The following ATG3 variants were observed in gnomAD, a reference collection of about 807,000 sequenced individuals.
ATG3 encodes autophagy related 3, also known as ubiquitin-like-conjugating enzyme ATG3.
ATG3 carries 25 observed loss-of-function variants against 50.7 expected under a neutral mutation model. The ratio of observed to expected loss-of-function variants is 0.49; its 90% CI spans 0.36 to 0.69. The LOEUF (loss-of-function observed/expected upper bound fraction) is 0.69. ATG3 is among the 30% of genes least tolerant of loss of function. ATG3 has a pLI of 0.00. For missense variants in ATG3, 281 were observed against 376.0 expected, an observed-to-expected ratio of 0.75 and a Z score of 2.09; for synonymous variants, 119 against 125.5, an observed-to-expected ratio of 0.95 and a Z score of 0.34.
intron 7 of ATG3, 93 bp downstream of exon 7, chr3:112,541,706 AACTT>A: frequency 9.1e-7 from 1 of 1,097,942 alleles, no homozygotes. Flanking sequence ...CTAAATGCTA[AACTT>A]ACAACTCAAT....
At chr3:112,554,807 T>G (rs1226786662) in intron 2 of ATG3, among the ~76,000 whole-genome samples, 2 of 152,212 alleles carry the variant, frequency 1.3e-5, no homozygotes, top group African/African-American at 4.8e-5. Context: ...CAAATAAGAA[T>G]TCTAAGAATA....
chr3:112,536,748 C>T (rs552629894), intron 9 of ATG3, 146 bp from the exon 10 acceptor site: 60 of 728,786 alleles, frequency 8.2e-5, no homozygotes, highest in African/African-American at 1.4e-4. Flanking sequence ...GGTGAAACAC[C>T]GTCTCTACTA....
chr3:112,534,248 C>G, intron 11 of ATG3, 21 bp downstream of exon 11: 2 of 1,595,038 alleles, frequency 1.3e-6, no homozygotes, highest in Non-Finnish European at 1.7e-6. Flanking sequence ...TGCCACTAAT[C>G]TTACATACAG....
intron 1 of ATG3, among the ~76,000 whole-genome samples, chr3:112,560,484 G>A (rs1368288038): frequency 6.6e-6 from 1 of 151,952 alleles, no homozygotes; most frequent in African/African-American, 2.4e-5. Flanking sequence ...TCATGGAAAG[G>A]GAGCAAAGCA....
chr3:112,538,308 T>C (rs557735471), intron 7 of ATG3, 128 bp from the exon 8 acceptor site: 8 of 682,814 alleles, frequency 1.2e-5, no homozygotes, highest in South Asian at 4.1e-5. Flanking sequence ...AGTGAAGATA[T>C]TGAATAGATA....
chr3:112,556,834 CGTTAAGA>C (rs1933697537), intron 2 of ATG3, among the ~76,000 whole-genome samples: 1 of 151,408 alleles, frequency 6.6e-6, no homozygotes, highest in African/African-American at 2.4e-5. Flanking sequence ...GCAGCATGCT[CGTTAAGA>C]GTCATCACCA....
intron 2 of ATG3, among the ~76,000 whole-genome samples, chr3:112,556,061 G>A (rs1202229954): frequency 6.8e-6 from 1 of 146,214 alleles, no homozygotes; most frequent in Non-Finnish European, 1.5e-5. Flanking sequence ...AAAGAGCCAT[G>A]TTCAAATTAC....
At chr3:112,560,302 T>C (rs1356063351) in intron 1 of ATG3, among the ~76,000 whole-genome samples, 1 of 152,254 alleles carries the variant, frequency 6.6e-6, no homozygotes, top group Non-Finnish European at 1.5e-5. Context: ...AATCTTAGTT[T>C]GACTGAATAA....
chr3:112,532,885 C>T (rs1215846187), intron 11 of ATG3, 105 bp from the exon 12 acceptor site: 1 of 1,328,546 alleles, frequency 7.5e-7, no homozygotes, highest in African/African-American at 1.5e-5. Flanking sequence ...TCAAAAAAAC[C>T]CCACAAAATC....
intron 2 of ATG3, among the ~76,000 whole-genome samples, chr3:112,557,663 T>A (rs1435585646): frequency 6.6e-6 from 1 of 151,974 alleles, no homozygotes; most frequent in Non-Finnish European, 1.5e-5. Context: ...ACTAGACAAA[T>A]TCCATCACAA....
Position 112,537,771 on chromosome 3 carries a change from G to C in ATG3, c.630C>G (p.Tyr210Ter). ...YDLYITYDKY[Y>*]QTPRLWLFGY... ...CAAACAACCATAATCGTGGAGTCTG[G>C]TAATATTTATCATAAGTGATGTAAA... Residue 210 changes from tyrosine (Y) to a stop codon, truncating the protein, a stop_gained, in exon 9 of 12, where the codon TAC becomes TAG. Coordinates refer to ENST00000283290, the MANE Select transcript of ATG3 (RefSeq NM_022488.5). LOFTEE classifies it high-confidence loss of function. The C allele has an allele frequency of 6.2e-7, 1 of 1,604,380 alleles. No individual in the cohort carries two copies. The highest frequency in any genetic ancestry group is 8.5e-7 in the Non-Finnish European group (1 of 1,176,964).
intron 4 of ATG3, among the ~76,000 whole-genome samples, chr3:112,549,656 A>G (rs548918135): frequency 4.1e-4 from 63 of 152,096 alleles, no homozygotes; most frequent in Non-Finnish European, 7.5e-4. Flanking sequence ...TAAAAATACA[A>G]AAATTAGCCG....
At chr3:112,533,277 A>AT (rs1175026711) in intron 11 of ATG3, 1 of 984,682 alleles carries the variant, frequency 1.0e-6, no homozygotes, top group Admixed American at 6.2e-5. Context: ...AAATTCTGAA[A>AT]TTTTTTTATG....
intron 7 of ATG3, among the ~76,000 whole-genome samples, chr3:112,539,960 A>G (rs1296507963): frequency 6.6e-6 from 1 of 152,262 alleles, no homozygotes; most frequent in Non-Finnish European, 1.5e-5. Flanking sequence ...ATTCAGAGAC[A>G]GATGAAATTC....
intron 7 of ATG3, among the ~76,000 whole-genome samples, chr3:112,540,859 G>A (rs747858563): frequency 1.3e-5 from 2 of 152,204 alleles, no homozygotes; most frequent in Non-Finnish European, 2.9e-5. Context: ...CCTGGTGACA[G>A]CAATTTTTTC....
intron 2 of ATG3, among the ~76,000 whole-genome samples, chr3:112,555,693 C>A (rs1185820291): frequency 6.6e-6 from 1 of 152,186 alleles, no homozygotes; most frequent in Admixed American, 6.5e-5. Context: ...AATATTTACA[C>A]AAAGCAAATG....
chr3:112,546,789 C>A lies in ATG3; in HGVS notation c.343+1744G>T, dbSNP rs570935040. Among the ~76,000 whole-genome samples, 3 of 152,252 alleles carry A rather than the reference C, an allele frequency of 2.0e-5. No individual in the cohort carries two copies. In the South Asian group the frequency reaches 6.2e-4, roughly 32 times the overall value. ...TGATGTGTTGCCAACATCTTCCAGGCATGGAAAAGTCAAAGCAGAAGAGTT... is the reference window on the plus strand; with the variant it reads ...TGATGTGTTGCCAACATCTTCCAGGAATGGAAAAGTCAAAGCAGAAGAGTT... On this transcript the variant is annotated intron_variant, in intron 5 of 11. Coordinates refer to ENST00000283290, the MANE Select transcript of ATG3 (RefSeq NM_022488.5).
chr3:112,535,039 A>G (rs981305635), intron 10 of ATG3: 1 of 152,138 alleles, frequency 6.6e-6, no homozygotes, highest in Non-Finnish European at 1.5e-5. Context: ...TTTTTGTCCT[A>G]TCTATACATC....
chr3:112,544,372 T>C (rs1312418069), intron 5 of ATG3, among the ~76,000 whole-genome samples: 1 of 152,114 alleles, frequency 6.6e-6, no homozygotes, highest in Non-Finnish European at 1.5e-5. Flanking sequence ...ACAGAACAGT[T>C]TGGCCAGGTG....
Sources: gnomAD v4.1 joint callset for allele counts (sites outside exome capture counted in the v4.1 genomes callset) on GRCh38, gnomAD v4.1.1 for gene constraint, MANE v1.5 for transcripts, NCBI Gene and HGNC (gene_info 2026-07-23, HGNC 2026-07-21) for gene names.